The following DMD variants were observed in gnomAD, a reference collection of about 807,000 sequenced individuals.
The protein encoded by DMD is dystrophin.
In DMD, 63 loss-of-function variants were observed where a neutral mutation model predicts 330.1. That is an observed-to-expected ratio of 0.19 (90% CI 0.16 to 0.24). The LOEUF is 0.24. DMD is among the 10% of genes least tolerant of loss of function. DMD has a pLI of 1.00. For missense variants in DMD, 3,344 were observed against 2,684.1 expected (o/e 1.25, Z -5.43); for synonymous variants, 1,223 against 959.8 (o/e 1.27, Z -5.07).
intron 2 of DMD, among the ~76,000 whole-genome samples, chrX:32,913,760 T>C (rs767488619): frequency 8.9e-6 from 1 of 111,792 alleles, no homozygotes; most frequent in East Asian, 2.8e-4. Flanking sequence ...AACTCACTCA[T>C]CCAACACACA....
chrX:32,609,475 A>G (rs2056991694), intron 12 of DMD, among the ~76,000 whole-genome samples: 1 of 110,999 alleles, frequency 9.0e-6, no homozygotes, highest in African/African-American at 3.3e-5. Flanking sequence ...GACATCGTAA[A>G]TGATTGGTTT....
intron 2 of DMD, among the ~76,000 whole-genome samples, chrX:32,931,570 C>A (rs2146697628): frequency 9.0e-6 from 1 of 111,319 alleles, no homozygotes; most frequent in East Asian, 2.8e-4. Flanking sequence ...GTGAGAGATT[C>A]AAACAAACGT....
chrX:32,407,228 T>C (rs978193712), intron 30 of DMD, among the ~76,000 whole-genome samples: 4 of 111,413 alleles, frequency 3.6e-5, no homozygotes, highest in South Asian at 3.8e-4. Context: ...CCTACTCCTC[T>C]GACAAAGGGC....
rs759496739 is a variant in DMD, at chrX:33,285,230, G to T, written c.7+54029C>A. On this transcript the variant is annotated intron_variant, in intron 1 of 17. Transcript: ENST00000288447. ...AAACCATATACAAAGCATAGGTTGTGTAATATAATGAACCAGTCATTATTC... is the reference window on the plus strand; with the variant it reads ...AAACCATATACAAAGCATAGGTTGTTTAATATAATGAACCAGTCATTATTC... Among the ~76,000 whole-genome samples, 8 of 111,783 alleles carry T rather than the reference G, an allele frequency of 7.2e-5. No homozygotes were observed. The Admixed American group carries it at 7.6e-4, about 11-fold the overall frequency.
Position 32,187,062 on chromosome X carries a change from A to C in DMD, c.6438+29854T>G, listed in dbSNP as rs150865480. Reference sequence around the variant, plus strand: ...TTCAGATTTTAGCATCAACTGACCAAAGCATAAGGGGCCATCCAAGAAAAA... The same window carrying C: ...TTCAGATTTTAGCATCAACTGACCACAGCATAAGGGGCCATCCAAGAAAAA... On this transcript the variant is annotated intron_variant, in intron 44 of 78. Coordinates refer to ENST00000357033, the MANE Select transcript of DMD (RefSeq NM_004006.3). 3.5e-3 allele frequency among the ~76,000 whole-genome samples: 389 copies of C among 110,557 alleles called. 3 individuals are homozygous for C. Among genetic ancestry groups the C allele is most frequent in the African/African-American group, 0.011 (331 of 30,516 alleles).
At chrX:32,934,489 C>A (rs1044206596) in intron 2 of DMD, among the ~76,000 whole-genome samples, 1 of 110,578 alleles carries the variant, frequency 9.0e-6, no homozygotes, top group African/African-American at 3.3e-5. Flanking sequence ...GCCTGGGTGA[C>A]AGAGAAATAC....
chrX:32,019,467 C>A (rs115316279), intron 44 of DMD, among the ~76,000 whole-genome samples: 2,875 of 111,768 alleles, frequency 0.026, 97 homozygotes, highest in African/African-American at 0.089. Context: ...GTTAAAATTC[C>A]AATTCTAAAA....
At chrX:31,228,413 G>A (rs1048774089) in intron 63 of DMD, among the ~76,000 whole-genome samples, 1 of 110,837 alleles carries the variant, frequency 9.0e-6, no homozygotes, top group Non-Finnish European at 1.9e-5. Flanking sequence ...TACTACTCAA[G>A]AGAGTTAACT....
intron 7 of DMD, among the ~76,000 whole-genome samples, chrX:32,732,873 G>C (rs1233577164): frequency 1.8e-5 from 2 of 110,405 alleles, no homozygotes; most frequent in Admixed American, 1.9e-4. Flanking sequence ...AAAATCACCA[G>C]CTAACATCAT....
At chrX:31,454,039 C>T (rs2065972470) in intron 59 of DMD, among the ~76,000 whole-genome samples, 1 of 111,781 alleles carries the variant, frequency 8.9e-6, no homozygotes, top group African/African-American at 3.3e-5. Flanking sequence ...TTAATGAAAC[C>T]TATTAACTTC....
intron 69 of DMD, among the ~76,000 whole-genome samples, chrX:31,179,941 A>G (rs2040977957): frequency 9.0e-6 from 1 of 111,693 alleles, no homozygotes; most frequent in Non-Finnish European, 1.9e-5. Flanking sequence ...TTAAAATGTC[A>G]CTAGTATACA....
At chrX:32,570,255 G>T (rs937996454) in intron 15 of DMD, among the ~76,000 whole-genome samples, 31 of 111,794 alleles carry the variant, frequency 2.8e-4, no homozygotes, top group African/African-American at 1.0e-3. Flanking sequence ...TTGGGTCTCA[G>T]ATTGTGACAT....
intron 44 of DMD, among the ~76,000 whole-genome samples, chrX:32,082,521 G>T (rs941129037): frequency 9.0e-6 from 1 of 111,478 alleles, no homozygotes; most frequent in East Asian, 2.8e-4. Flanking sequence ...GCCCCCCAGT[G>T]TTGGGATTAC....
At chrX:32,902,158 AACACACACACACACACACACAC>A (rs774414536) in intron 2 of DMD, among the ~76,000 whole-genome samples, 6 of 86,638 alleles carry the variant, frequency 6.9e-5, no homozygotes, top group Non-Finnish European at 4.4e-5. Flanking sequence ...CACACACACA[AACACACACACACACACACACAC>A]ACACACACAC....
intron 55 of DMD, among the ~76,000 whole-genome samples, chrX:31,614,972 A>C (rs779935646): frequency 8.9e-6 from 1 of 112,113 alleles, no homozygotes; most frequent in African/African-American, 3.2e-5. Flanking sequence ...AAAATAATTT[A>C]AAGGACTTAA....
At chrX:33,113,798 T>C (rs1401675637) in intron 1 of DMD, among the ~76,000 whole-genome samples, 1 of 111,711 alleles carries the variant, frequency 9.0e-6, no homozygotes, top group African/African-American at 3.3e-5. Flanking sequence ...CATGTACATA[T>C]TGCATTTTAA....
intron 1 of DMD, among the ~76,000 whole-genome samples, chrX:33,252,958 T>C (rs780276145): frequency 8.9e-6 from 1 of 111,774 alleles, no homozygotes; most frequent in Admixed American, 9.5e-5. Context: ...TAGCCAATAA[T>C]ACTTTCTGTT....
chrX:33,025,117 G>A (rs1220446899), intron 1 of DMD, among the ~76,000 whole-genome samples: 1 of 111,920 alleles, frequency 8.9e-6, no homozygotes, highest in African/African-American at 3.2e-5. Context: ...TATTATAGGA[G>A]CATGGAGAAA....
chrX:32,057,581 A>C (rs1484518374), intron 44 of DMD, among the ~76,000 whole-genome samples: 1 of 111,831 alleles, frequency 8.9e-6, no homozygotes, highest in Non-Finnish European at 1.9e-5. Context: ...TGTGTGCTGA[A>C]AGCTATGAAA....
Sources: allele counts gnomAD v4.1 joint callset (sites outside exome capture counted in the v4.1 genomes callset), GRCh38; gene constraint gnomAD v4.1.1; transcripts MANE v1.5; gene names NCBI Gene and HGNC (gene_info 2026-07-23, HGNC 2026-07-21).